Variants in SHISA9 observed in about 807,000 individuals in gnomAD.
SHISA9 encodes shisa family member 9.
In SHISA9, 13 loss-of-function variants were observed where a neutral mutation model predicts 38.0. The ratio of observed to expected loss-of-function variants is 0.34; its 90% confidence interval spans 0.22 to 0.54. The LOEUF is 0.54. Ranked by LOEUF, SHISA9 falls within the 20% of genes least tolerant of loss-of-function variation. SHISA9 has a pLI of 0.91. For missense variants in SHISA9, 538 were observed against 575.8 expected, an observed-to-expected ratio of 0.93 and a Z score of 0.67; for synonymous variants, 275 against 242.0, an observed-to-expected ratio of 1.14 and a Z score of -1.27.
rs553352175 is a variant in SHISA9, at chr16:13,179,501, TAC to T, written c.692-23891_692-23890del. On this transcript the variant is annotated intron_variant, in intron 2 of 4. Coordinates refer to ENST00000558583, the MANE Select transcript of SHISA9 (RefSeq NM_001145204.3). The stretch of plus-strand genomic sequence containing the variant: ...CAGAGAATCAGAAATGTTAAATTTA[TAC>T]AGTCATAGAGCTACCAGAAGGAAGA... 2.5e-3 allele frequency among the ~76,000 whole-genome samples: 377 copies of T among 152,334 alleles called. 1 individual carries two copies. Among genetic ancestry groups the T allele is most frequent in the African/African-American group, 8.6e-3 (356 of 41,574 alleles).
At chr16:13,409,788 A>G in the SHISA9 span, among the ~76,000 whole-genome samples, 1 of 152,328 alleles carries the variant, frequency 6.6e-6, no homozygotes, top group South Asian at 2.1e-4. Flanking sequence ...GCCATATACC[A>G]TTGCAGTTAA....
chr16:13,392,044 G>T, the SHISA9 span, among the ~76,000 whole-genome samples: 1 of 152,190 alleles, frequency 6.6e-6, no homozygotes, highest in Non-Finnish European at 1.5e-5. Flanking sequence ...GGAACAACGT[G>T]TTGCCAGCTG....
At chr16:13,074,170 A>G (rs1204234482) in intron 2 of SHISA9, among the ~76,000 whole-genome samples, 7 of 151,990 alleles carry the variant, frequency 4.6e-5, no homozygotes, top group Non-Finnish European at 8.8e-5. Context: ...GAGTTTTGCC[A>G]TGTTGGCCAG....
the SHISA9 span, among the ~76,000 whole-genome samples, chr16:13,257,361 G>C: frequency 1.3e-5 from 2 of 152,096 alleles, no homozygotes; most frequent in African/African-American, 4.8e-5. Flanking sequence ...TAACCTCTGG[G>C]ACTCTCCTTT....
the SHISA9 span, among the ~76,000 whole-genome samples, chr16:13,387,625 G>A: frequency 6.6e-6 from 1 of 152,038 alleles, no homozygotes. Context: ...AAGTAGCTGG[G>A]ATTACAGGCA....
intron 2 of SHISA9, among the ~76,000 whole-genome samples, chr16:13,158,892 TA>T (rs11373395): frequency 7.3e-4 from 97 of 133,776 alleles, no homozygotes; most frequent in African/African-American, 6.4e-4. Flanking sequence ...CCATCTCTAC[TA>T]AAAAAAAAAA....
intron 2 of SHISA9, among the ~76,000 whole-genome samples, chr16:13,022,689 A>G (rs148097808): frequency 0.011 from 1,647 of 151,256 alleles, 23 homozygotes; most frequent in Admixed American, 0.043. Flanking sequence ...TTGGTCTTGA[A>G]CTCCTGGGCT....
intron 2 of SHISA9, among the ~76,000 whole-genome samples, chr16:12,966,708 A>G (rs1256220316): frequency 6.6e-6 from 1 of 152,240 alleles, no homozygotes; most frequent in Non-Finnish European, 1.5e-5. Flanking sequence ...TGTCTCATTC[A>G]TTTCCAGCAC....
chr16:13,435,682 G>A, the SHISA9 span, among the ~76,000 whole-genome samples: 1 of 152,130 alleles, frequency 6.6e-6, no homozygotes. Context: ...CTGCCCACAC[G>A]CAGCAAGCCA....
At chr16:13,334,570 C>T in the SHISA9 span, among the ~76,000 whole-genome samples, 8 of 151,918 alleles carry the variant, frequency 5.3e-5, no homozygotes, top group South Asian at 1.0e-3. Context: ...GTCAGGAGAT[C>T]GAGGCCATCC....
intron 2 of SHISA9, among the ~76,000 whole-genome samples, chr16:13,051,603 C>T (rs2073251889): frequency 6.6e-6 from 1 of 152,096 alleles, no homozygotes; most frequent in African/African-American, 2.4e-5. Context: ...CATTGAACAA[C>T]CATTGTGCTA....
chr16:13,003,889 T>TAATAAGAAG (rs770958492), intron 2 of SHISA9, among the ~76,000 whole-genome samples: 22 of 145,878 alleles, frequency 1.5e-4, no homozygotes, highest in Non-Finnish European at 2.4e-4. Flanking sequence ...ATAATAATAA[T>TAATAAGAAG]AAGAAGAAGA....
At chr16:13,080,543 C>T (rs1050675261) in intron 2 of SHISA9, among the ~76,000 whole-genome samples, 9 of 150,978 alleles carry the variant, frequency 6.0e-5, no homozygotes, top group Admixed American at 2.6e-4. Flanking sequence ...TAATTTCTAG[C>T]TTCACCAAGA....
chr16:13,161,174 G>C (rs1036528075), intron 2 of SHISA9, among the ~76,000 whole-genome samples: 2 of 152,160 alleles, frequency 1.3e-5, no homozygotes, highest in Non-Finnish European at 2.9e-5. Context: ...TTGTGCTCCA[G>C]GCTGTCCAGA....
At chr16:13,349,491 G>T in the SHISA9 span, among the ~76,000 whole-genome samples, 1 of 152,210 alleles carries the variant, frequency 6.6e-6, no homozygotes, top group Non-Finnish European at 1.5e-5. Flanking sequence ...AGAGAAGGAG[G>T]AGGTACTGGG....
the SHISA9 span, among the ~76,000 whole-genome samples, chr16:13,327,071 T>C: frequency 4.6e-5 from 7 of 152,184 alleles, no homozygotes; most frequent in Non-Finnish European, 8.8e-5. Flanking sequence ...TTCTTGGCAT[T>C]GTGTTTACCA....
chr16:13,355,283 T>C, the SHISA9 span, among the ~76,000 whole-genome samples: 2 of 151,904 alleles, frequency 1.3e-5, no homozygotes, highest in Admixed American at 6.6e-5. Context: ...GGCTTTAATC[T>C]TTTTAAAGTG....
At chr16:13,198,494 C>T (rs545688073) in intron 2 of SHISA9, among the ~76,000 whole-genome samples, 4 of 152,222 alleles carry the variant, frequency 2.6e-5, no homozygotes, top group East Asian at 1.9e-4. Context: ...CAGATTATAA[C>T]CTAGATCTCA....
At chr16:13,489,036 G>C in the SHISA9 span, among the ~76,000 whole-genome samples, 1 of 152,124 alleles carries the variant, frequency 6.6e-6, no homozygotes, top group South Asian at 2.1e-4. Flanking sequence ...GCCTCCCAAA[G>C]TGCTGGGATT....
Sources: allele counts gnomAD v4.1 joint callset (sites outside exome capture counted in the v4.1 genomes callset), GRCh38; gene constraint gnomAD v4.1.1; transcripts MANE v1.5; gene names NCBI Gene and HGNC (gene_info 2026-07-23, HGNC 2026-07-21).